LETM1: variants seen among roughly 807,000 people sequenced by gnomAD.
The protein encoded by LETM1 is leucine zipper and EF-hand containing transmembrane protein 1, also known as mitochondrial proton/calcium exchanger protein.
LETM1 carries 50 observed loss-of-function variants against 74.5 expected under a neutral mutation model. That is an observed-to-expected ratio of 0.67 (90% CI 0.53 to 0.85). LETM1 has a LOEUF of 0.85. LETM1 is among the 40% of genes least tolerant of loss of function. The pLI is 0.00. For missense variants in LETM1, 824 were observed against 967.8 expected, an observed-to-expected ratio of 0.85 and a Z score of 1.97; for synonymous variants, 446 against 407.1, an observed-to-expected ratio of 1.10 and a Z score of -1.15.
In LETM1 at chr4:1,852,893, T is replaced by A. The variant is rs193180930; in HGVS notation, c.82+2976A>T. ...AGACACTCCCATCATTCAGGAAACT[T>A]CCAGGGTTCTCAGCCCTCAGTGCTG... is the stretch of plus-strand genomic sequence containing the variant. On this transcript the variant is annotated intron_variant, in intron 1 of 13. Coordinates refer to ENST00000302787, the MANE Select transcript of LETM1 (RefSeq NM_012318.3). Among the ~76,000 whole-genome samples, 33 of 152,218 alleles carry A rather than the reference T, an allele frequency of 2.2e-4. No individual in the cohort carries two copies. The Middle Eastern group carries it at 0.01, about 47-fold the overall frequency.
At chr4:1,840,594 G>A (rs1468729846) in intron 3 of LETM1, among the ~76,000 whole-genome samples, 1 of 152,038 alleles carries the variant, frequency 6.6e-6, no homozygotes, top group Non-Finnish European at 1.5e-5. Context: ...GTGGACCCCG[G>A]GGGGCGGAGC....
chr4:1,816,419 G>A (rs1711573586), intron 12 of LETM1, among the ~76,000 whole-genome samples: 1 of 152,224 alleles, frequency 6.6e-6, no homozygotes, highest in South Asian at 2.1e-4. Context: ...TCAGGAAGAG[G>A]GAGAGGCAAG....
chr4:1,838,112 T>C (rs1009278857), intron 3 of LETM1, among the ~76,000 whole-genome samples: 5 of 152,086 alleles, frequency 3.3e-5, no homozygotes, highest in African/African-American at 9.7e-5. Flanking sequence ...TACTTTTTAT[T>C]TTTTTGAGAT....
At chr4:1,821,732 C>T (rs1711783734) in intron 10 of LETM1, among the ~76,000 whole-genome samples, 1 of 152,166 alleles carries the variant, frequency 6.6e-6, no homozygotes. Flanking sequence ...GGCTGCACCT[C>T]ACAGGCTCGC....
intron 2 of LETM1, chr4:1,846,547 G>A (rs887654783): frequency 2.0e-5 from 3 of 152,210 alleles, no homozygotes; most frequent in African/African-American, 7.2e-5. Flanking sequence ...TTACAGGTGT[G>A]AGCCACCGTG....
At chr4:1,828,587 C>A (rs1337891944) in intron 6 of LETM1, among the ~76,000 whole-genome samples, 2 of 107,592 alleles carry the variant, frequency 1.9e-5, no homozygotes, top group East Asian at 3.4e-4. Flanking sequence ...CTGGACGGGG[C>A]GGCTGGCCGG....
intron 10 of LETM1, among the ~76,000 whole-genome samples, chr4:1,820,413 G>T (rs960085989): frequency 6.6e-6 from 1 of 152,182 alleles, no homozygotes; most frequent in African/African-American, 2.4e-5. Context: ...CACCATTTGT[G>T]AATAAAGAGT....
At chr4:1,832,588 G>T (rs568445579) in intron 6 of LETM1, among the ~76,000 whole-genome samples, 156 bp downstream of exon 6, 1 of 152,312 alleles carries the variant, frequency 6.6e-6, no homozygotes, top group South Asian at 2.1e-4. Flanking sequence ...CATCTTCAAA[G>T]GATCTGCAAT....
Position 1,834,583 on chromosome 4 carries a change from T to C in LETM1, c.876+262A>G. ...CTCATGGGTCAGATTCTACTGCTCC[T>C]GGACAGCTGCAGGGTGATGAGACAC... On this transcript the variant is annotated intron_variant, in intron 5 of 13. Coordinates refer to ENST00000302787, the MANE Select transcript of LETM1 (RefSeq NM_012318.3). This position sits in a 1 kb window ranked among gnomAD's most constrained non-coding sequence, Gnocchi z 5.0. The C allele has an allele frequency of 3.1e-6, 4 of 1,284,874 alleles. No individual in the cohort carries two copies. The South Asian group carries it at 7.2e-5, about 23-fold the overall frequency. The allele number at this position is 1,284,874 out of a possible 1,614,324, so 79.6% of individuals were successfully genotyped here.
chr4:1,830,447 C>T (rs1370073409), intron 6 of LETM1, among the ~76,000 whole-genome samples: 4 of 152,226 alleles, frequency 2.6e-5, no homozygotes, highest in African/African-American at 9.6e-5. Flanking sequence ...CCTCCTGCCT[C>T]AGCCTCCTGA....
chr4:1,851,214 T>A (rs889395558), intron 1 of LETM1, among the ~76,000 whole-genome samples: 3 of 152,136 alleles, frequency 2.0e-5, no homozygotes, highest in African/African-American at 7.2e-5. Context: ...GGCCAGGCTG[T>A]GCAGAGGCTA....
chr4:1,852,624 C>A (rs1021696981), intron 1 of LETM1, among the ~76,000 whole-genome samples: 1 of 152,174 alleles, frequency 6.6e-6, no homozygotes, highest in Non-Finnish European at 1.5e-5. Flanking sequence ...GCAGTGATAA[C>A]GAATAACAGA....
At position 1,815,766 on chromosome 4, in the gene LETM1, G is replaced by A; in HGVS notation, c.1968C>T (p.Ala656=). The A allele has an allele frequency of 1.2e-6, 2 of 1,614,200 alleles. No homozygotes were observed. Among genetic ancestry groups the A allele is most frequent in the African/African-American group, 1.3e-5 (1 of 75,064 alleles). Residue 656 remains alanine, a synonymous_variant, in exon 13 of 14, where the codon GCC becomes GCT. Transcript: ENST00000302787. The part of the protein sequence containing the change: ...NVISVAELIN[A]MKQVKHIPES... ...CGGGAATGTGCTTGACTTGCTTCAT[G>A]GCGTTGATGAGCTCAGCGACACTGA...
rs957607310 is a variant in LETM1 at position 1,811,831 on chromosome 4, C to T, written c.*2593G>A. 3 of 152,356 alleles carry T rather than the reference C, an allele frequency of 2.0e-5. No individual in the cohort carries two copies. Among genetic ancestry groups the T allele is most frequent in the African/African-American group, 7.2e-5 (3 of 41,462 alleles). The allele number at this position is 152,356 out of a possible 1,614,324, so 9.4% of individuals were successfully genotyped here. On this transcript the variant is annotated 3_prime_UTR_variant, in exon 14 of 14. Coordinates refer to ENST00000302787, the MANE Select transcript of LETM1 (RefSeq NM_012318.3). Reference sequence around the variant, plus strand: ...TCAGGCCGGGCGCGGTGGCTCATGCCTGTAATCCCAGCACTTTGGGAGGCT... The same window carrying T: ...TCAGGCCGGGCGCGGTGGCTCATGCTTGTAATCCCAGCACTTTGGGAGGCT...
intron 2 of LETM1, chr4:1,842,935 G>A (rs964111792): frequency 2.1e-5 from 6 of 279,170 alleles, no homozygotes; most frequent in Admixed American, 4.6e-5. Flanking sequence ...GATCTCCTGC[G>A]TGTCTTGCCT....
chr4:1,853,671 G>C (rs1713144570), intron 1 of LETM1, among the ~76,000 whole-genome samples: 1 of 152,220 alleles, frequency 6.6e-6, no homozygotes, highest in African/African-American at 2.4e-5. Flanking sequence ...GAGAACGGGA[G>C]AGTAAAGAAA....
intron 6 of LETM1, 34 bp from the exon 7 acceptor site, chr4:1,825,717 C>G: frequency 6.3e-7 from 1 of 1,583,020 alleles, no homozygotes; most frequent in Non-Finnish European, 8.6e-7. Flanking sequence ...TCATCTGGGA[C>G]AGTTGCTGGT....
chr4:1,851,689 T>A (rs910260316), intron 1 of LETM1, among the ~76,000 whole-genome samples: 4 of 152,202 alleles, frequency 2.6e-5, no homozygotes, highest in Non-Finnish European at 4.4e-5. Context: ...TTTCTCCACA[T>A]GAAGAGGGCC....
intron 8 of LETM1, among the ~76,000 whole-genome samples, 175 bp from the exon 9 acceptor site, chr4:1,823,306 G>A (rs1711857168): frequency 1.3e-5 from 2 of 152,144 alleles, no homozygotes; most frequent in South Asian, 4.1e-4. Flanking sequence ...CCCCTGGGCC[G>A]CCCTCTGCGC....
Sources: gnomAD v4.1 joint callset for allele counts (sites outside exome capture counted in the v4.1 genomes callset) on GRCh38, gnomAD v4.1.1 for gene constraint, Gnocchi (gnomAD v3.1) non-coding constraint, MANE v1.5 for transcripts, NCBI Gene and HGNC (gene_info 2026-07-23, HGNC 2026-07-21) for gene names.